The following SPTA1 variants were observed in gnomAD, a reference collection of about 807,000 sequenced individuals.
SPTA1 encodes spectrin alpha, erythrocytic 1.
Under a neutral mutation model 324.7 loss-of-function variants are expected in SPTA1, and 177 were observed. The observed-to-expected ratio is 0.55, with a 90% CI of 0.48 to 0.62. The LOEUF (loss-of-function observed/expected upper bound fraction) is 0.62. Among genes scored for constraint, SPTA1 ranks in the 20% least tolerant of loss-of-function variants. SPTA1 has a pLI of 0.00. For synonymous variants in SPTA1, 1,195 were observed against 1,041.3 expected (o/e 1.15, Z -2.84); for missense variants, 3,162 against 2,883.6 (o/e 1.10, Z -2.21).
intron 42 of SPTA1, among the ~76,000 whole-genome samples, chr1:158,624,468 T>C (rs1262461011): frequency 6.6e-6 from 1 of 152,170 alleles, no homozygotes; most frequent in East Asian, 1.9e-4. Flanking sequence ...AACTTTAAGG[T>C]TTAATGACTG....
intron 45 of SPTA1, 29 bp downstream of exon 45, chr1:158,619,193 G>GTCATGGTT (rs1557922759): frequency 8.1e-6 from 13 of 1,595,998 alleles, no homozygotes; most frequent in Non-Finnish European, 1.1e-5. Context: ...TGGCACAGGG[G>GTCATGGTT]TCATGGTTTG....
chr1:158,662,870 C>T lies in SPTA1; in HGVS notation c.2296G>A (p.Ala766Thr), dbSNP rs11265047. ...IGHPDSKDIR[A>T]RQESLVCRFE... ...CGGCATACCAAGGACTCTTGCCTTGCCCTTATATCCTTAGAATCAGGATGG... is the reference window on the plus strand; with the variant it reads ...CGGCATACCAAGGACTCTTGCCTTGTCCTTATATCCTTAGAATCAGGATGG... The change falls in exon 17 of 52, where the codon GCA becomes ACA. Residue 766 changes from alanine (A) to threonine (T), a missense_variant. Ala to Thr is a moderately conservative substitution (Grantham distance 58). Coordinates refer to ENST00000643759, the MANE Select transcript of SPTA1 (RefSeq NM_003126.4). The T allele has an allele frequency of 2.4e-4, 390 of 1,614,108 alleles. No homozygotes were observed. The African/African-American group carries it at 4.8e-3, about 20-fold the overall frequency.
At chr1:158,664,923 G>A (rs911311710) in intron 16 of SPTA1, among the ~76,000 whole-genome samples, 1 of 152,110 alleles carries the variant, frequency 6.6e-6, no homozygotes, top group Non-Finnish European at 1.5e-5. Flanking sequence ...TTTGATCTTG[G>A]GGAAAGTTCT....
chr1:158,669,584 C>T, intron 13 of SPTA1, 21 bp from the exon 14 acceptor site: 1 of 1,614,134 alleles, frequency 6.2e-7, no homozygotes. Flanking sequence ...CATGAGTAAA[C>T]TTACTGTCAG....
At position 158,662,779 on chromosome 1, in the gene SPTA1, T is replaced by A; in HGVS notation, c.2387A>T (p.Gln796Leu). 1 of 1,614,078 alleles carries A rather than the reference T, an allele frequency of 6.2e-7. No individual in the cohort carries two copies. Among genetic ancestry groups the A allele is most frequent in the Non-Finnish European group, 8.5e-7 (1 of 1,179,996 alleles). Residue 796 changes from glutamine (Q) to leucine (L), a missense_variant, in exon 17 of 52, where the codon CAG becomes CTG. Gln to Leu is a moderately radical substitution (Grantham distance 113). Transcript: ENST00000643759. ...ATCCTCTGTGTCTCTACAAATCAGC[T>A]GCAGATGGAGAAGGTCTAAGAGCTT... The part of the protein sequence containing the change: ...KKKLLDLLHL[Q>L]LICRDTEDEE...
Position 158,678,391 on chromosome 1 carries a change from A to G in SPTA1, c.812+10T>C, listed in dbSNP as rs768112111. On this transcript the variant is annotated intron_variant, in intron 6 of 51. Coordinates refer to ENST00000643759, the MANE Select transcript of SPTA1 (RefSeq NM_003126.4). ...CAAAGTTTTCTATAAAGCAGTGGCC[A>G]GATCCATACCTTTTGAATCGTTGTA... 1.5e-5 allele frequency: 24 copies of G among 1,613,458 alleles called. No homozygotes were observed. The South Asian group carries it at 1.5e-4, about 10-fold the overall frequency.
At chr1:158,656,999 A>C (rs1050117011) in intron 19 of SPTA1, among the ~76,000 whole-genome samples, 1 of 152,344 alleles carries the variant, frequency 6.6e-6, no homozygotes, top group East Asian at 1.9e-4. Flanking sequence ...CTAGTTCCAA[A>C]GGTTTGTGAA....
chr1:158,669,061 A>G (rs1293298449), intron 14 of SPTA1, among the ~76,000 whole-genome samples: 1 of 152,164 alleles, frequency 6.6e-6, no homozygotes, highest in Non-Finnish European at 1.5e-5. Flanking sequence ...CACAACATTT[A>G]CCTACTATAC....
At chr1:158,626,093 T>G in intron 42 of SPTA1, 53 bp downstream of exon 42, 358 of 1,484,972 alleles carry the variant, frequency 2.4e-4, no homozygotes, top group Middle Eastern at 5.2e-4. Flanking sequence ...TCATGGAGGA[T>G]GAGCTTCTGT....
chr1:158,644,264 T>C lies in SPTA1; in HGVS notation c.4327A>G (p.Ile1443Val). The C allele has an allele frequency of 6.2e-7, 1 of 1,613,916 alleles. No individual in the cohort carries two copies. The highest frequency in any genetic ancestry group is 8.5e-7 in the Non-Finnish European group (1 of 1,179,886). Residue 1443 changes from isoleucine (I) to valine (V), a missense_variant, in exon 30 of 52, where the codon ATC becomes GTC. Coordinates refer to ENST00000643759, the MANE Select transcript of SPTA1 (RefSeq NM_003126.4). ...CTAGTCATTATTACCTGGGCAGTGATTGCTTTGTCCAAATCGTCCCGTTTC... is the reference window on the plus strand; with the variant it reads ...CTAGTCATTATTACCTGGGCAGTGACTGCTTTGTCCAAATCGTCCCGTTTC... Reference protein sequence around the residue: ...MKKRDDLDKAITAQEGKITDL... With the variant: ...MKKRDDLDKAVTAQEGKITDL...
At chr1:158,677,883 A>C (rs749830486) in intron 6 of SPTA1, 49 bp from the exon 7 acceptor site, 4 of 1,611,570 alleles carry the variant, frequency 2.5e-6, no homozygotes, top group Non-Finnish European at 3.4e-6. Flanking sequence ...CAAGCATTAC[A>C]GGGCAAACGG....
chr1:158,639,551 C>A (rs761505414), intron 35 of SPTA1, 31 bp downstream of exon 35: 6 of 1,602,012 alleles, frequency 3.7e-6, no homozygotes, highest in Non-Finnish European at 5.1e-6. Flanking sequence ...TTCTATTCTG[C>A]CCAGAGGAGA....
At chr1:158,670,145 T>C (rs971316798) in intron 12 of SPTA1, among the ~76,000 whole-genome samples, 1 of 152,216 alleles carries the variant, frequency 6.6e-6, no homozygotes, top group African/African-American at 2.4e-5. Flanking sequence ...CGTGTATTCA[T>C]CTCTCAAATA....
intron 18 of SPTA1, among the ~76,000 whole-genome samples, chr1:158,658,741 G>A (rs1347828590): frequency 1.3e-5 from 2 of 152,010 alleles, no homozygotes; most frequent in Non-Finnish European, 2.9e-5. Flanking sequence ...CTTTAAAACA[G>A]GTAGAGGGGG....
chr1:158,647,617 T>C lies in SPTA1; in HGVS notation c.3818A>G (p.Asp1273Gly). The C allele has an allele frequency of 6.2e-7, 1 of 1,613,886 alleles. No individual in the cohort carries two copies. The highest frequency in any genetic ancestry group is 8.5e-7 in the Non-Finnish European group (1 of 1,179,932). The change falls in exon 27 of 52, where the codon GAC (aspartate) becomes GGC (glycine). Residue 1273 changes from aspartate to glycine, a missense_variant. By Grantham distance (94) the Asp-to-Gly change is moderately conservative (BLOSUM62 -1). Coordinates refer to ENST00000643759, the MANE Select transcript of SPTA1 (RefSeq NM_003126.4). ...QKMELNEAWE[D>G]LQGRTKDRKE... ...ACGATCCTTTGTACGCCCCTGCAGGTCTTCCCAGGCCTCATTCAGCTCCAT... is the reference window on the plus strand; with the variant it reads ...ACGATCCTTTGTACGCCCCTGCAGGCCTTCCCAGGCCTCATTCAGCTCCAT...
chr1:158,683,383 G>T lies in SPTA1; in HGVS notation c.378C>A (p.His126Gln), dbSNP rs774042837. The T allele has an allele frequency of 6.2e-7, 1 of 1,613,216 alleles. No homozygotes were observed. Among genetic ancestry groups the T allele is most frequent in the Non-Finnish European group, 8.5e-7 (1 of 1,179,408 alleles). ...EERFTMGHSA[H>Q]EETKAHIEEL... ...CCCATACATATACCTTCGTTTCTTCGTGGGCAGAATGACCCATGGTAAATC... is the reference window on the plus strand; with the variant it reads ...CCCATACATATACCTTCGTTTCTTCTTGGGCAGAATGACCCATGGTAAATC... The change falls in exon 3 of 52, where the codon CAC becomes CAA. Residue 126 changes from histidine to glutamine, a missense_variant. By Grantham distance (24) the His-to-Gln change is conservative. Transcript: ENST00000643759.
intron 33 of SPTA1, among the ~76,000 whole-genome samples, chr1:158,642,103 G>A (rs1651634226): frequency 6.6e-6 from 1 of 151,654 alleles, no homozygotes; most frequent in Admixed American, 6.6e-5. Context: ...GGTGGGAACT[G>A]AACAATGAGA....
In SPTA1 at chr1:158,645,250, C is replaced by T; in HGVS notation, c.4132G>A (p.Asp1378Asn). ...TTTTCCCAAGCCTTCTCCAAATCAT[C>T]TCTCTCTAGCTTGACAGCTTGAAGC... ...KKLQAVKLER[D>N]DLEKAWEKRK... The change falls in exon 29 of 52, where the codon GAT becomes AAT. Residue 1378 changes from aspartate to asparagine, a missense_variant. Physicochemically the swap from Asp to Asn is conservative, Grantham distance 23 (BLOSUM62 1). Coordinates refer to ENST00000643759, the MANE Select transcript of SPTA1 (RefSeq NM_003126.4). 1.9e-6 allele frequency: 3 copies of T among 1,614,046 alleles called. No homozygotes were observed. Among genetic ancestry groups the T allele is most frequent in the Admixed American group, 1.7e-5 (1 of 59,998 alleles).
intron 47 of SPTA1, among the ~76,000 whole-genome samples, chr1:158,616,245 T>G (rs1489835414): frequency 4.6e-5 from 7 of 152,232 alleles, no homozygotes; most frequent in Non-Finnish European, 1.0e-4. Context: ...CTTTTCTTTA[T>G]GCTAGAAACA....
Sources: gnomAD v4.1 joint callset for allele counts (sites outside exome capture counted in the v4.1 genomes callset) on GRCh38, gnomAD v4.1.1 for gene constraint, MANE v1.5 for transcripts, NCBI Gene and HGNC (gene_info 2026-07-23, HGNC 2026-07-21) for gene names.